The following CCNY variants were observed in gnomAD, a reference collection of about 807,000 sequenced individuals.
CCNY encodes cyclin Y.
In CCNY, 19 loss-of-function variants were observed where a neutral mutation model predicts 42.8. The observed-to-expected ratio is 0.44, with a 90% CI of 0.31 to 0.65. The LOEUF (loss-of-function observed/expected upper bound fraction) is 0.65. CCNY is among the 30% of genes least tolerant of loss of function. The pLI is 0.07. For synonymous variants in CCNY, 165 were observed against 162.7 expected (o/e 1.01, Z -0.11); for missense variants, 370 against 437.3 (o/e 0.85, Z 1.37).
At chr10:35,296,230 A>C (rs1488858740) in intron 3 of CCNY, among the ~76,000 whole-genome samples, 1 of 152,196 alleles carries the variant, frequency 6.6e-6, no homozygotes, top group African/African-American at 2.4e-5. Context: ...AGGTCAATGA[A>C]CCCAGGAATT....
At chr10:35,374,790 A>G (rs966726923) in intron 1 of CCNY, among the ~76,000 whole-genome samples, 4 of 152,180 alleles carry the variant, frequency 2.6e-5, no homozygotes, top group South Asian at 2.1e-4. Context: ...AGATAGTGGG[A>G]AAAAAAGGGG....
At chr10:35,462,927 A>G (rs1167944623) in intron 1 of CCNY, among the ~76,000 whole-genome samples, 5 of 152,260 alleles carry the variant, frequency 3.3e-5, no homozygotes, top group African/African-American at 9.6e-5. Context: ...TGTATCAGCT[A>G]CGTTAGGCCT....
chr10:35,457,013 C>G (rs1198240629), intron 1 of CCNY, among the ~76,000 whole-genome samples: 2 of 152,174 alleles, frequency 1.3e-5, no homozygotes, highest in Non-Finnish European at 2.9e-5. Flanking sequence ...GCTCTTTATT[C>G]TCCTCTGAAA....
At chr10:35,368,260 G>T (rs909600830) in intron 1 of CCNY, among the ~76,000 whole-genome samples, 1 of 152,170 alleles carries the variant, frequency 6.6e-6, no homozygotes, top group Non-Finnish European at 1.5e-5. Context: ...TGGGCTTCAA[G>T]TTCCATCCTC....
rs1461045175 is a variant in CCNY, at chr10:35,304,318, AT to A, written c.-9+53701del. Among the ~76,000 whole-genome samples the A allele has an allele frequency of 1.3e-4, 13 of 97,294 alleles. 2 individuals are homozygous for A. Among genetic ancestry groups the A allele is most frequent in the African/African-American group, 4.8e-4 (10 of 20,776 alleles). 63.8% of individuals were successfully genotyped at this position (97,294 alleles called of 152,430 possible). On this transcript the variant is annotated intron_variant, in intron 3 of 11. Coordinates refer to the CCNY transcript ENST00000374706. ...TATTTTTTTTTTTTTTTTATTTTTT[AT>A]TTTTTTTTGAGACGGAGTCTCGCTC... is the stretch of plus-strand genomic sequence containing the variant.
Position 35,530,219 on chromosome 10 carries a change from G to A in CCNY, c.555G>A (p.Thr185=), listed in dbSNP as rs1206498226. ...CACTGTTCAGTGCTGCTCAGCTGAC[G>A]GCTGAATGTGCCATCGTCACCCTGG... ...VRTLFSAAQL[T]AECAIVTLVY... Residue 185 remains threonine, a synonymous_variant, in exon 7 of 10, where the codon ACG becomes ACA. Coordinates refer to ENST00000374704, the MANE Select transcript of CCNY (RefSeq NM_145012.6). This position sits in a 1 kb window ranked among gnomAD's most constrained non-coding sequence, Gnocchi z 4.3. The A allele has an allele frequency of 1.5e-5, 25 of 1,614,178 alleles. No homozygotes were observed. The highest frequency in any genetic ancestry group is 2.2e-5 in the East Asian group (1 of 44,882).
At chr10:35,486,691 G>A (rs748616192) in intron 2 of CCNY, among the ~76,000 whole-genome samples, 1 of 152,200 alleles carries the variant, frequency 6.6e-6, no homozygotes, top group Non-Finnish European at 1.5e-5. Flanking sequence ...GAGGCCCATC[G>A]TGATCCAGCC....
intron 3 of CCNY, among the ~76,000 whole-genome samples, chr10:35,503,561 T>G (rs1031602068): frequency 6.6e-6 from 1 of 152,214 alleles, no homozygotes; most frequent in Admixed American, 6.5e-5. Context: ...TTTCAGGTTT[T>G]GAAACTTAGG....
At chr10:35,371,027 T>C (rs1201294337) in intron 1 of CCNY, among the ~76,000 whole-genome samples, 2 of 152,308 alleles carry the variant, frequency 1.3e-5, no homozygotes, top group African/African-American at 4.8e-5. Flanking sequence ...GTTAAAACTC[T>C]TAAAACTTGT....
chr10:35,370,981 C>A (rs548512407), intron 1 of CCNY, among the ~76,000 whole-genome samples: 2 of 152,268 alleles, frequency 1.3e-5, no homozygotes, highest in East Asian at 3.9e-4. Context: ...TCTCAAAGTG[C>A]TAGGATTAGA....
chr10:35,529,458 GTT>G (rs1181369302), intron 5 of CCNY, among the ~76,000 whole-genome samples: 1 of 152,126 alleles, frequency 6.6e-6, no homozygotes, highest in African/African-American at 2.4e-5. Flanking sequence ...GCTAAGTGTG[GTT>G]TATAACCTTT....
At chr10:35,525,796 C>T (rs1403461616) in intron 4 of CCNY, among the ~76,000 whole-genome samples, 168 bp from the exon 5 acceptor site, 1 of 152,124 alleles carries the variant, frequency 6.6e-6, no homozygotes, top group African/African-American at 2.4e-5. Flanking sequence ...TTGATTTACT[C>T]AGAAGAGGAC....
chr10:35,377,233 C>G (rs1837073427), intron 1 of CCNY, among the ~76,000 whole-genome samples: 2 of 152,172 alleles, frequency 1.3e-5, no homozygotes, highest in Non-Finnish European at 2.9e-5. Flanking sequence ...TGTCCTCAGC[C>G]TTCACATTGA....
intron 3 of CCNY, among the ~76,000 whole-genome samples, chr10:35,285,645 T>A (rs187664659): frequency 3.3e-5 from 5 of 152,310 alleles, no homozygotes; most frequent in Non-Finnish European, 7.3e-5. Context: ...AGAGACAGGG[T>A]CTCATTATGT....
chr10:35,437,666 A>C (rs1009704107), intron 1 of CCNY, among the ~76,000 whole-genome samples: 1 of 152,060 alleles, frequency 6.6e-6, no homozygotes, highest in African/African-American at 2.4e-5. Flanking sequence ...TGTCTCAAAA[A>C]AAAAACCAAA....
At chr10:35,459,304 C>CCAGCCTG (rs1300850624) in intron 1 of CCNY, among the ~76,000 whole-genome samples, 8 of 151,946 alleles carry the variant, frequency 5.3e-5, no homozygotes, top group African/African-American at 1.5e-4. Flanking sequence ...CCAAGCTTGT[C>CCAGCCTG]CAGCCTGCAG....
intron 4 of CCNY, among the ~76,000 whole-genome samples, chr10:35,519,543 A>G (rs1422706884): frequency 6.6e-6 from 1 of 152,102 alleles, no homozygotes; most frequent in African/African-American, 2.4e-5. Flanking sequence ...CCCAGATGGA[A>G]GTGGACAGCT....
chr10:35,478,926 G>T (rs527755689), intron 1 of CCNY, among the ~76,000 whole-genome samples: 1 of 152,024 alleles, frequency 6.6e-6, no homozygotes, highest in Non-Finnish European at 1.5e-5. Context: ...AAAAACAACC[G>T]CATCAAAAAG....
At chr10:35,272,372 T>G (rs1484369880) in intron 3 of CCNY, among the ~76,000 whole-genome samples, 2 of 152,168 alleles carry the variant, frequency 1.3e-5, no homozygotes, top group Non-Finnish European at 2.9e-5. Flanking sequence ...AGGTTTGTTG[T>G]GCAGATTATT....
Sources: allele counts gnomAD v4.1 joint callset (sites outside exome capture counted in the v4.1 genomes callset), GRCh38; gene constraint gnomAD v4.1.1; non-coding constraint Gnocchi (gnomAD v3.1); transcripts MANE v1.5; gene names NCBI Gene and HGNC (gene_info 2026-07-23, HGNC 2026-07-21).